AOPEP: variants seen among roughly 807,000 people sequenced by gnomAD.
AOPEP encodes the protein aminopeptidase O (putative).
Under a neutral mutation model 98.1 loss-of-function variants are expected in AOPEP, and 77 were observed. That is an observed-to-expected ratio of 0.78 (90% CI 0.65 to 0.95). The LOEUF is 0.95. Among genes scored for constraint, AOPEP ranks in the 40% least tolerant of loss-of-function variants. The probability of loss-of-function intolerance (pLI) is 0.00; values close to 1 mark genes in which losing one functional copy is unlikely to be tolerated. For synonymous variants in AOPEP, 346 were observed against 365.3 expected (o/e 0.95, Z 0.60); for missense variants, 1,024 against 1,024.7 (o/e 1.00, Z 0.01).
chr9:94,895,219 T>TAA lies in AOPEP; in HGVS notation c.1365-28759_1365-28758dup, dbSNP rs907258167. Among the ~76,000 whole-genome samples, 18 of 60,672 alleles carry TAA rather than the reference T, an allele frequency of 3.0e-4. 1 individual carries two copies. The highest frequency in any genetic ancestry group is 9.4e-4 in the African/African-American group (18 of 19,124). The allele number at this position is 60,672 out of a possible 152,430, so 39.8% of individuals were successfully genotyped here. A position where few individuals can be genotyped will look rare whatever the true frequency, so the allele number is the denominator to read the frequency against. On this transcript the variant is annotated intron_variant, in intron 5 of 16. Transcript: ENST00000375315. ...CAACACAGTGAAACCTCATCTCTACTAAAAAAAAATAAAATAAAATAAAAA... is the reference window on the plus strand; with the variant it reads ...CAACACAGTGAAACCTCATCTCTACTAAAAAAAAAAATAAAATAAAATAAAAA...
the AOPEP span, among the ~76,000 whole-genome samples, chr9:95,116,388 C>T: frequency 6.6e-6 from 1 of 152,204 alleles, no homozygotes; most frequent in Non-Finnish European, 1.5e-5. Flanking sequence ...AGGGGATCAC[C>T]CTGGGCAAGA....
chr9:95,016,619 C>T (rs2063021796), intron 13 of AOPEP, among the ~76,000 whole-genome samples: 2 of 151,894 alleles, frequency 1.3e-5, no homozygotes, highest in African/African-American at 4.8e-5. Flanking sequence ...TATAGCATGA[C>T]CTTTTTTTAT....
intron 5 of AOPEP, among the ~76,000 whole-genome samples, chr9:94,833,245 T>TC (rs2041129591): frequency 7.0e-6 from 1 of 143,866 alleles, no homozygotes; most frequent in Admixed American, 6.9e-5. Flanking sequence ...CTTTTTTTTT[T>TC]TTTTTTTTTT....
At chr9:94,949,109 T>C (rs2137780635) in intron 7 of AOPEP, among the ~76,000 whole-genome samples, 1 of 152,348 alleles carries the variant, frequency 6.6e-6, no homozygotes, top group African/African-American at 2.4e-5. Context: ...GATCATCGCT[T>C]GCTGTGTTGA....
At chr9:94,832,758 G>T (rs1047460597) in intron 5 of AOPEP, among the ~76,000 whole-genome samples, 3 of 151,816 alleles carry the variant, frequency 2.0e-5, no homozygotes, top group African/African-American at 7.3e-5. Context: ...GCAAGGTGGA[G>T]TTTATTCAAT....
chr9:95,127,932 T>G, the AOPEP span, among the ~76,000 whole-genome samples: 1 of 152,240 alleles, frequency 6.6e-6, no homozygotes, highest in African/African-American at 2.4e-5. Context: ...AATTTGCAAG[T>G]TAAAATGTCC....
the AOPEP span, among the ~76,000 whole-genome samples, chr9:95,111,845 A>AC: frequency 6.6e-6 from 1 of 152,030 alleles, no homozygotes; most frequent in Non-Finnish European, 1.5e-5. Context: ...GCCTCTCAGG[A>AC]CCCCCGTGAG....
chr9:94,992,361 G>A (rs527923867), intron 11 of AOPEP, among the ~76,000 whole-genome samples: 2 of 152,202 alleles, frequency 1.3e-5, no homozygotes, highest in East Asian at 1.9e-4. Context: ...GGGCCTTTAC[G>A]ACCCCAGTAT....
chr9:94,971,482 T>C (rs1445224480), intron 10 of AOPEP, among the ~76,000 whole-genome samples: 1 of 152,212 alleles, frequency 6.6e-6, no homozygotes, highest in Non-Finnish European at 1.5e-5. Flanking sequence ...TTATGCGACA[T>C]ATTGTACCAA....
intron 14 of AOPEP, 79 bp from the exon 15 acceptor site, chr9:95,080,615 G>C: frequency 1.1e-6 from 1 of 925,430 alleles, no homozygotes; most frequent in Non-Finnish European, 1.8e-6. Flanking sequence ...CCGGAATACA[G>C]AGGCTGCCTG....
At chr9:94,819,570 C>T (rs1296360735) in intron 5 of AOPEP, among the ~76,000 whole-genome samples, 2 of 152,068 alleles carry the variant, frequency 1.3e-5, no homozygotes, top group African/African-American at 2.4e-5. Context: ...ACTTTGCAAA[C>T]GGGATTTTAT....
the AOPEP span, chr9:95,100,766 G>A: frequency 4.4e-6 from 1 of 225,738 alleles, no homozygotes; most frequent in Non-Finnish European, 8.8e-6. Flanking sequence ...GAATAGCTGG[G>A]ATTACAGATG....
intron 5 of AOPEP, among the ~76,000 whole-genome samples, chr9:94,809,212 ATTAGT>A (rs1426247626): frequency 6.6e-6 from 1 of 152,236 alleles, no homozygotes; most frequent in African/African-American, 2.4e-5. Flanking sequence ...CTGTAGGTTA[ATTAGT>A]TTAGGAAATA....
chr9:95,017,678 A>G (rs1564529133), intron 13 of AOPEP, among the ~76,000 whole-genome samples: 2 of 152,186 alleles, frequency 1.3e-5, no homozygotes, highest in Non-Finnish European at 2.9e-5. Context: ...ATGCCAGGAA[A>G]TTCATCCACA....
chr9:94,871,479 C>T (rs2046341700), intron 5 of AOPEP, among the ~76,000 whole-genome samples: 1 of 152,152 alleles, frequency 6.6e-6, no homozygotes, highest in East Asian at 1.9e-4. Context: ...ATATTTTGAT[C>T]CCATTTCCTT....
At chr9:94,801,153 G>A in intron 5 of AOPEP, 151 bp downstream of exon 5, 1 of 913,818 alleles carries the variant, frequency 1.1e-6, no homozygotes, top group Non-Finnish European at 1.7e-6. Context: ...GCTGCCTTGA[G>A]GGACAATTTT....
intron 10 of AOPEP, among the ~76,000 whole-genome samples, chr9:94,968,622 C>T (rs1379146613): frequency 6.6e-6 from 1 of 152,198 alleles, no homozygotes; most frequent in Non-Finnish European, 1.5e-5. Flanking sequence ...AGTGATCCAC[C>T]CGCCTTGGCC....
At chr9:94,832,379 C>G (rs1856170378) in intron 5 of AOPEP, among the ~76,000 whole-genome samples, 1 of 152,120 alleles carries the variant, frequency 6.6e-6, no homozygotes, top group African/African-American at 2.4e-5. Context: ...CATTTCTTAC[C>G]TATGAGGTTG....
chr9:95,110,850 A>AAAT, the AOPEP span: 5 of 1,177,264 alleles, frequency 4.2e-6, no homozygotes, highest in Non-Finnish European at 5.3e-6. Context: ...ATTCCACATA[A>AAAT]AATAACAACT....
Sources: allele counts gnomAD v4.1 joint callset (sites outside exome capture counted in the v4.1 genomes callset), GRCh38; gene constraint gnomAD v4.1.1; transcripts MANE v1.5; gene names NCBI Gene and HGNC (gene_info 2026-07-23, HGNC 2026-07-21).